Variants in ZBTB40 observed in about 807,000 individuals in gnomAD.
ZBTB40 encodes zinc finger and BTB domain-containing protein 40.
A neutral mutation model predicts 117.5 loss-of-function variants in ZBTB40; 60 were observed. That is an observed-to-expected ratio of 0.51 (90% CI 0.41 to 0.63). The LOEUF is 0.63. ZBTB40 is among the 30% of genes least tolerant of loss of function. The pLI, the probability that ZBTB40 is intolerant of heterozygous loss-of-function variation, is 0.00. For missense variants in ZBTB40, 1,287 were observed against 1,498.5 expected, an observed-to-expected ratio of 0.86 and a Z score of 2.33; for synonymous variants, 525 against 577.1, an observed-to-expected ratio of 0.91 and a Z score of 1.29.
chr1:22,521,209 G>A (rs534416718), intron 14 of ZBTB40, among the ~76,000 whole-genome samples: 38 of 152,280 alleles, frequency 2.5e-4, no homozygotes, highest in Non-Finnish European at 2.9e-4. Flanking sequence ...CTTCCAGCTC[G>A]CTAGGAAGAC....
intron 4 of ZBTB40, 107 bp from the exon 5 acceptor site, chr1:22,502,192 C>G (rs1638953412): frequency 8.1e-6 from 11 of 1,354,870 alleles, no homozygotes; most frequent in Non-Finnish European, 1.1e-5. Context: ...TCAGAATAAG[C>G]TGAAAATCAC....
In ZBTB40 at chr1:22,490,118, A is replaced by G; in HGVS notation, c.170A>G (p.Asp57Gly). 1 of 1,614,168 alleles carries G rather than the reference A, an allele frequency of 6.2e-7. No homozygotes were observed. The highest frequency in any genetic ancestry group is 8.5e-7 in the Non-Finnish European group (1 of 1,180,034). The part of the protein sequence containing the change: ...LLFKTLLDNT[D>G]TISIDASVVS... ...TTCAAAACCCTGCTGGATAACACAGATACCATCTCCATCGATGCATCTGTG... is the reference window on the plus strand; with the variant it reads ...TTCAAAACCCTGCTGGATAACACAGGTACCATCTCCATCGATGCATCTGTG... Residue 57 changes from aspartate to glycine, a missense_variant, in exon 2 of 18, where the codon GAT becomes GGT. Asp to Gly is a moderately conservative substitution (Grantham distance 94). This residue lies in a region of ZBTB40 where 870 missense variants were observed against 934.4 expected (regional missense o/e 0.93). Transcript: ENST00000375647.
chr1:22,491,998 G>A, intron 3 of ZBTB40, among the ~76,000 whole-genome samples: 1 of 152,206 alleles, frequency 6.6e-6, no homozygotes. Flanking sequence ...CATAAAAACA[G>A]TAATAGTAAA....
chr1:22,483,543 G>A (rs139463295), intron 1 of ZBTB40, among the ~76,000 whole-genome samples: 100 of 152,294 alleles, frequency 6.6e-4, no homozygotes, highest in African/African-American at 2.4e-3. Flanking sequence ...GACATACCAT[G>A]TACAACATCT....
chr1:22,495,659 G>A (rs1014737724), intron 3 of ZBTB40, among the ~76,000 whole-genome samples: 2 of 151,998 alleles, frequency 1.3e-5, no homozygotes, highest in African/African-American at 4.8e-5. Flanking sequence ...CTACAGGCAC[G>A]CACACCCATG....
In ZBTB40 at chr1:22,512,067, C is replaced by CAAG. The variant is rs746814486; in HGVS notation, c.2408_2410dup (p.Lys803dup). ...GTGCAGGTGGAGAGCCCGATGCCCC[C>CAAG]AAGAAGAAGAAGAAGAGGCTTCCAG... On this transcript the variant is annotated inframe_insertion, in exon 11 of 18. Coordinates refer to ENST00000375647, the MANE Select transcript of ZBTB40 (RefSeq NM_014870.4). The CAAG allele has an allele frequency of 5.0e-6, 8 of 1,613,442 alleles. No homozygotes were observed. In the East Asian group the frequency reaches 6.7e-5, roughly 13 times the overall value.
At chr1:22,450,412 A>G (rs1045082828), upstream of ZBTB40, among the ~76,000 whole-genome samples, 1 of 152,242 alleles carries the variant, frequency 6.6e-6, no homozygotes, top group Admixed American at 6.5e-5. Context: ...TCCAGTTACT[A>G]CAAAAGTGAC....
chr1:22,444,672 C>G (rs1481029083), intron 1 of ZBTB40, among the ~76,000 whole-genome samples: 2 of 152,186 alleles, frequency 1.3e-5, no homozygotes, highest in Non-Finnish European at 2.9e-5. Flanking sequence ...ACTCACTGTG[C>G]ATGCTCCCCT....
At chr1:22,442,034 G>A (rs573806601) in intron 1 of ZBTB40, among the ~76,000 whole-genome samples, 2 of 152,152 alleles carry the variant, frequency 1.3e-5, no homozygotes, top group East Asian at 3.9e-4. Context: ...TTCATTGGTT[G>A]TTTAAGAATG....
At chr1:22,454,223 G>A (rs1351827095) in intron 1 of ZBTB40, among the ~76,000 whole-genome samples, 1 of 152,218 alleles carries the variant, frequency 6.6e-6, no homozygotes, top group African/African-American at 2.4e-5. Flanking sequence ...AAAGTGCTGG[G>A]ATTATAGGCG....
chr1:22,508,940 A>G (rs563574501), intron 8 of ZBTB40, among the ~76,000 whole-genome samples, 160 bp from the exon 9 acceptor site: 3 of 152,248 alleles, frequency 2.0e-5, no homozygotes, highest in Admixed American at 2.0e-4. Flanking sequence ...TCATTATTAT[A>G]CTCTGATTAC....
At chr1:22,485,511 TG>T (rs146797638) in intron 1 of ZBTB40, among the ~76,000 whole-genome samples, 3,561 of 152,234 alleles carry the variant, frequency 0.023, 143 homozygotes, top group African/African-American at 0.079. Context: ...TTTTTTTCTT[TG>T]TTACCATGGC....
intron 3 of ZBTB40, among the ~76,000 whole-genome samples, chr1:22,494,715 A>C (rs949192900): frequency 2.0e-5 from 3 of 152,230 alleles, no homozygotes; most frequent in African/African-American, 7.2e-5. Context: ...GATTTAGCAG[A>C]TGTTTACTGA....
chr1:22,455,933 G>A (rs750516375), intron 1 of ZBTB40, among the ~76,000 whole-genome samples: 1 of 152,098 alleles, frequency 6.6e-6, no homozygotes, highest in African/African-American at 2.4e-5. Context: ...CTGTTGCCTC[G>A]TACTGAGTAT....
At chr1:22,440,981 T>C (rs1640725414) in intron 1 of ZBTB40, among the ~76,000 whole-genome samples, 1 of 152,202 alleles carries the variant, frequency 6.6e-6, no homozygotes, top group Non-Finnish European at 1.5e-5. Context: ...ATCAGGGTAA[T>C]GCTGGCTTCA....
chr1:22,437,296 C>T (rs1214860540), intron 1 of ZBTB40, among the ~76,000 whole-genome samples: 3 of 152,020 alleles, frequency 2.0e-5, no homozygotes, highest in Admixed American at 1.3e-4. Flanking sequence ...TGATGAATTG[C>T]TAGAGGCTCA....
chr1:22,514,636 C>G (rs565306664), intron 12 of ZBTB40, among the ~76,000 whole-genome samples: 1 of 152,348 alleles, frequency 6.6e-6, no homozygotes, highest in African/African-American at 2.4e-5. Context: ...GAGTCCCTTC[C>G]TGGGCCACCC....
chr1:22,518,041 C>A (rs2124467368), intron 13 of ZBTB40, among the ~76,000 whole-genome samples: 1 of 152,304 alleles, frequency 6.6e-6, no homozygotes, highest in African/African-American at 2.4e-5. Context: ...TGGGCACACA[C>A]ACATATATAT....
intron 1 of ZBTB40, among the ~76,000 whole-genome samples, chr1:22,453,713 G>A (rs1297594199): frequency 6.6e-6 from 1 of 152,154 alleles, no homozygotes; most frequent in Non-Finnish European, 1.5e-5. Context: ...AGATGTTCGA[G>A]GTTACATAGC....
Sources: gnomAD v4.1 joint callset for allele counts (sites outside exome capture counted in the v4.1 genomes callset) on GRCh38, gnomAD v4.1.1 for gene constraint, gnomAD v4.1.1 regional missense constraint, MANE v1.5 for transcripts, NCBI Gene and HGNC (gene_info 2026-07-23, HGNC 2026-07-21) for gene names.